Variants in RTN4RL1 observed in about 807,000 individuals in gnomAD.
RTN4RL1 encodes the protein reticulon 4 receptor like 1.
Under a neutral mutation model 25.6 loss-of-function variants are expected in RTN4RL1, and 7 were observed. The observed-to-expected ratio is 0.27, with a 90% CI of 0.16 to 0.51. The LOEUF (loss-of-function observed/expected upper bound fraction) is 0.51, where lower values mean the gene tolerates loss of function less well. RTN4RL1 is among the 20% of genes least tolerant of loss of function. RTN4RL1 has a pLI of 0.97. For synonymous variants in RTN4RL1, 297 were observed against 288.2 expected (o/e 1.03, Z -0.31); for missense variants, 500 against 615.6 (o/e 0.81, Z 1.99).
intron 1 of RTN4RL1, among the ~76,000 whole-genome samples, chr17:1,961,016 A>G (rs989998999): frequency 4.6e-5 from 7 of 152,148 alleles, no homozygotes; most frequent in Non-Finnish European, 1.0e-4. Context: ...ACACTCTCTG[A>G]GAGCACCTTG....
chr17:1,988,461 G>A (rs2066896184), intron 1 of RTN4RL1, among the ~76,000 whole-genome samples: 2 of 137,654 alleles, frequency 1.5e-5, no homozygotes. Context: ...TCAGTATTTT[G>A]TATTTACTGT....
At chr17:1,961,801 AGC>A (rs2151310194) in intron 1 of RTN4RL1, among the ~76,000 whole-genome samples, 8 of 140,868 alleles carry the variant, frequency 5.7e-5, no homozygotes, top group South Asian at 2.3e-4. Context: ...AAAAAAAATT[AGC>A]AGGGCGTGGT....
At chr17:1,984,014 A>G (rs2066878230) in intron 1 of RTN4RL1, among the ~76,000 whole-genome samples, 1 of 152,228 alleles carries the variant, frequency 6.6e-6, no homozygotes, top group Admixed American at 6.5e-5. Context: ...AGGCCGAGGA[A>G]ACCCCCAGAT....
At chr17:2,022,724 C>T (rs1327846926) in intron 1 of RTN4RL1, among the ~76,000 whole-genome samples, 4 of 152,256 alleles carry the variant, frequency 2.6e-5, no homozygotes, top group Non-Finnish European at 5.9e-5. Context: ...TCCAGGTCAC[C>T]CAGGCTGAGC....
intron 1 of RTN4RL1, among the ~76,000 whole-genome samples, chr17:2,001,265 G>C (rs1192747650): frequency 6.6e-6 from 1 of 151,160 alleles, no homozygotes; most frequent in Non-Finnish European, 1.5e-5. Flanking sequence ...TTTTTTTTGA[G>C]ATGGAGTCTC....
At chr17:1,963,551 G>A (rs1009723271) in intron 1 of RTN4RL1, among the ~76,000 whole-genome samples, 5 of 152,148 alleles carry the variant, frequency 3.3e-5, no homozygotes, top group African/African-American at 4.8e-5. Flanking sequence ...GTGTCCACCC[G>A]CCTTTGCCAC....
At chr17:1,976,565 C>T (rs1025493851) in intron 1 of RTN4RL1, among the ~76,000 whole-genome samples, 1 of 152,208 alleles carries the variant, frequency 6.6e-6, no homozygotes, top group African/African-American at 2.4e-5. Flanking sequence ...GGATTGGCCT[C>T]CTTGAGCCTC....
At chr17:2,011,911 G>C (rs2067054530) in intron 1 of RTN4RL1, among the ~76,000 whole-genome samples, 1 of 152,016 alleles carries the variant, frequency 6.6e-6, no homozygotes, top group South Asian at 2.1e-4. Context: ...TCTTTCCCTC[G>C]GCCCCTCCTC....
chr17:1,988,067 T>C (rs892868155), intron 1 of RTN4RL1, among the ~76,000 whole-genome samples: 27 of 149,536 alleles, frequency 1.8e-4, no homozygotes, highest in African/African-American at 6.7e-4. Flanking sequence ...GATCACACCA[T>C]TGCACTCCAG....
At position 1,935,661 on chromosome 17, in the gene RTN4RL1, G is replaced by T; in HGVS notation, c.*835C>A. On this transcript the variant is annotated 3_prime_UTR_variant, in exon 2 of 2. Transcript: ENST00000331238. ...AGTTTTCTGTATAGTTTATAAACAT[G>T]AAAAGACGTACAGTTAGGTAACGGA... 1.0e-6 allele frequency: 1 copy of T among 968,496 alleles called. No homozygotes were observed. Among genetic ancestry groups the T allele is most frequent in the South Asian group, 4.8e-5 (1 of 20,748 alleles). The allele number at this position is 968,496 out of a possible 1,614,324, so 60.0% of individuals were successfully genotyped here.
intron 1 of RTN4RL1, among the ~76,000 whole-genome samples, chr17:2,012,799 T>TG (rs1018944042): frequency 6.6e-6 from 1 of 150,666 alleles, no homozygotes; most frequent in African/African-American, 2.4e-5. Flanking sequence ...TTCTTCTTCT[T>TG]TTTTTTTTTT....
intron 1 of RTN4RL1, among the ~76,000 whole-genome samples, chr17:2,007,801 C>A (rs1486576413): frequency 6.6e-6 from 1 of 151,484 alleles, no homozygotes; most frequent in Non-Finnish European, 1.5e-5. Context: ...AAAGAATTAG[C>A]CAGGCATGGT....
chr17:2,022,636 G>A (rs1471182524), intron 1 of RTN4RL1, among the ~76,000 whole-genome samples: 1 of 152,226 alleles, frequency 6.6e-6, no homozygotes. Flanking sequence ...ATCAGGATCT[G>A]GGGCCAAGAG....
chr17:2,022,818 C>T (rs1240542585), intron 1 of RTN4RL1, among the ~76,000 whole-genome samples: 1 of 152,224 alleles, frequency 6.6e-6, no homozygotes, highest in Non-Finnish European at 1.5e-5. Flanking sequence ...TTCAGCCAAC[C>T]AGGCTGTGCA....
intron 1 of RTN4RL1, among the ~76,000 whole-genome samples, chr17:1,942,357 GACTGGGTGGGGGGAT>G (rs143127975): frequency 0.089 from 13,485 of 152,026 alleles, 771 homozygotes; most frequent in Admixed American, 0.19. Context: ...GGCCCAGAAT[GACTGGGTGGGGGGAT>G]ACGGAGGATC....
intron 1 of RTN4RL1, chr17:2,023,680 A>ACCTCCCCCCCCTCCACCC (rs2067239623): frequency 2.2e-5 from 1 of 46,470 alleles, no homozygotes; most frequent in Admixed American, 2.2e-4. Context: ...CACCTCCCCA[A>ACCTCCCCCCCCTCCACCC]CCTCCCCCCC....
At chr17:2,018,521 GC>G (rs1461815772) in intron 1 of RTN4RL1, among the ~76,000 whole-genome samples, 10 of 152,212 alleles carry the variant, frequency 6.6e-5, no homozygotes, top group Non-Finnish European at 1.2e-4. Context: ...AGCAAGCTCT[GC>G]GAGAAGCCAG....
In RTN4RL1 at chr17:1,937,240, C is replaced by G. The variant is rs1416734105; in HGVS notation, c.582G>C (p.Arg194=). ...KLWSLGPGTF[R]GLVNLDRLLL... ...AAAGACGGTCCAGGTTCACCAGGCC[C>G]CGGAAGGTGCCCGGGCCCAGACTCC... Residue 194 remains arginine (R), a synonymous_variant, in exon 2 of 2, where the codon CGG becomes CGC. Coordinates refer to ENST00000331238, the MANE Select transcript of RTN4RL1 (RefSeq NM_178568.4). The G allele has an allele frequency of 6.2e-7, 1 of 1,612,178 alleles. No homozygotes were observed. Among genetic ancestry groups the G allele is most frequent in the South Asian group, 1.1e-5 (1 of 91,070 alleles).
intron 1 of RTN4RL1, chr17:2,023,498 A>C (rs2067236009): frequency 6.6e-6 from 1 of 152,278 alleles, no homozygotes; most frequent in African/African-American, 2.4e-5. Flanking sequence ...TTCCAGGACG[A>C]CGGGGCAACT....
Sources: gnomAD v4.1 joint callset for allele counts (sites outside exome capture counted in the v4.1 genomes callset) on GRCh38, gnomAD v4.1.1 for gene constraint, MANE v1.5 for transcripts, NCBI Gene and HGNC (gene_info 2026-07-23, HGNC 2026-07-21) for gene names.